CDK5RAP2: variants seen among roughly 807,000 people sequenced by gnomAD.
The protein encoded by CDK5RAP2 is CDK5 regulatory subunit-associated protein 2.
A neutral mutation model predicts 232.9 loss-of-function variants in CDK5RAP2; 147 were observed. The ratio of observed to expected loss-of-function variants is 0.63; its 90% CI spans 0.55 to 0.72. CDK5RAP2 has a LOEUF of 0.72. Ranked by LOEUF, CDK5RAP2 falls within the 30% of genes least tolerant of loss-of-function variation. The pLI is 0.00. For synonymous variants in CDK5RAP2, 833 were observed against 833.7 expected (o/e 1.00, Z 0.01); for missense variants, 2,195 against 2,231.5 (o/e 0.98, Z 0.33).
At chr9:120,460,748 C>CT (rs552805136) in intron 18 of CDK5RAP2, 81 bp from the exon 19 acceptor site, 52,166 of 1,077,332 alleles carry the variant, frequency 0.048, no homozygotes, top group East Asian at 0.055. Flanking sequence ...TCAGTGATGT[C>CT]TTTTTTTTTT....
At chr9:120,546,540 C>A (rs1311074339) in intron 4 of CDK5RAP2, among the ~76,000 whole-genome samples, 1 of 152,214 alleles carries the variant, frequency 6.6e-6, no homozygotes, top group Non-Finnish European at 1.5e-5. Flanking sequence ...TAGATGAACT[C>A]AAGTAGTAGA....
intron 3 of CDK5RAP2, among the ~76,000 whole-genome samples, chr9:120,556,280 G>T (rs988283968): frequency 6.6e-6 from 1 of 152,058 alleles, no homozygotes; most frequent in African/African-American, 2.4e-5. Flanking sequence ...CAATAAAGCT[G>T]ATTTTTAAAA....
intron 4 of CDK5RAP2, among the ~76,000 whole-genome samples, chr9:120,550,227 A>G (rs557973730): frequency 3.3e-5 from 5 of 152,354 alleles, no homozygotes; most frequent in African/African-American, 9.6e-5. Context: ...ACAGGCAAGC[A>G]CACAGGAATA....
At chr9:120,441,141 T>C (rs903827302) in intron 23 of CDK5RAP2, among the ~76,000 whole-genome samples, 30 of 152,234 alleles carry the variant, frequency 2.0e-4, no homozygotes, top group African/African-American at 5.3e-4. Flanking sequence ...ATGGTTGTAG[T>C]GCAGCTTCTG....
At chr9:120,511,767 T>C (rs1401260025) in intron 12 of CDK5RAP2, among the ~76,000 whole-genome samples, 2 of 142,564 alleles carry the variant, frequency 1.4e-5, no homozygotes, top group Admixed American at 1.5e-4. Flanking sequence ...TGAGACAGTC[T>C]CGCTCTGTCG....
intron 12 of CDK5RAP2, among the ~76,000 whole-genome samples, chr9:120,513,886 G>A (rs1023903135): frequency 6.6e-6 from 1 of 152,152 alleles, no homozygotes; most frequent in African/African-American, 2.4e-5. Context: ...GTTAAATAAG[G>A]AGCCTAGTTA....
intron 21 of CDK5RAP2, among the ~76,000 whole-genome samples, chr9:120,448,332 C>T (rs2036305907): frequency 6.6e-6 from 1 of 152,224 alleles, no homozygotes; most frequent in South Asian, 2.1e-4. Context: ...AGCCAAGCTT[C>T]TCCTCGCCAC....
chr9:120,544,966 C>T (rs557993604), intron 5 of CDK5RAP2, among the ~76,000 whole-genome samples: 1 of 152,106 alleles, frequency 6.6e-6, no homozygotes, highest in East Asian at 1.9e-4. Context: ...TAAATGTTTA[C>T]GAATGAGTGA....
chr9:120,464,274 A>G (rs1018856818), intron 18 of CDK5RAP2, among the ~76,000 whole-genome samples: 2 of 152,012 alleles, frequency 1.3e-5, no homozygotes, highest in Admixed American at 1.3e-4. Flanking sequence ...CTTAATCCCC[A>G]AAGTGAGGGC....
intron 12 of CDK5RAP2, among the ~76,000 whole-genome samples, chr9:120,509,190 G>C (rs901300677): frequency 3.3e-5 from 5 of 152,200 alleles, no homozygotes; most frequent in Non-Finnish European, 7.3e-5. Context: ...TTCTTCAGAG[G>C]AGAGGTTACT....
At chr9:120,522,361 G>C (rs768976396) in intron 11 of CDK5RAP2, among the ~76,000 whole-genome samples, 27 of 152,176 alleles carry the variant, frequency 1.8e-4, no homozygotes, top group Admixed American at 3.3e-4. Context: ...TAAAAGACTT[G>C]GTAGGTCTAC....
chr9:120,406,986 C>A, intron 32 of CDK5RAP2, 26 bp downstream of exon 32: 2 of 1,526,608 alleles, frequency 1.3e-6, no homozygotes, highest in Non-Finnish European at 1.8e-6. Flanking sequence ...GCATTCTCAG[C>A]AAGTGGGGAG....
chr9:120,477,996 T>C (rs1298288824), intron 14 of CDK5RAP2, among the ~76,000 whole-genome samples: 3 of 152,222 alleles, frequency 2.0e-5, no homozygotes, highest in Non-Finnish European at 4.4e-5. Context: ...GGTAAGTAGC[T>C]TAACAAAACT....
At chr9:120,524,878 C>T in intron 11 of CDK5RAP2, 108 bp downstream of exon 11, 1 of 781,516 alleles carries the variant, frequency 1.3e-6, no homozygotes, top group Non-Finnish European at 2.3e-6. Flanking sequence ...TGAAGACCAC[C>T]CACAGTTTTC....
At chr9:120,464,777 T>C (rs1158846262) in intron 18 of CDK5RAP2, among the ~76,000 whole-genome samples, 1 of 152,112 alleles carries the variant, frequency 6.6e-6, no homozygotes, top group Non-Finnish European at 1.5e-5. Flanking sequence ...AAAAAAAAAT[T>C]AAAATAGCTG....
rs538113042 is a variant in CDK5RAP2, at chr9:120,416,986, G to A, written c.4178-1827C>T. Among the ~76,000 whole-genome samples, 6 of 152,330 alleles carry A rather than the reference G, an allele frequency of 3.9e-5. No individual in the cohort carries two copies. In the South Asian group the frequency reaches 1.0e-3, roughly 26 times the overall value. ...TATCTCCTGCTAATGCCAGAAATGT[G>A]GCAAGTAATTTGGTGGAATGTCGTA... is the stretch of plus-strand genomic sequence containing the variant. On this transcript the variant is annotated intron_variant, in intron 27 of 37. Coordinates refer to ENST00000349780, the MANE Select transcript of CDK5RAP2 (RefSeq NM_018249.6).
chr9:120,392,222 A>T (rs1324917454), intron 36 of CDK5RAP2, among the ~76,000 whole-genome samples: 1 of 152,094 alleles, frequency 6.6e-6, no homozygotes, highest in African/African-American at 2.4e-5. Context: ...CAGATGAGAA[A>T]ACTGGGGTGC....
intron 12 of CDK5RAP2, among the ~76,000 whole-genome samples, chr9:120,514,236 G>A (rs2040221276): frequency 6.6e-6 from 1 of 152,216 alleles, no homozygotes; most frequent in Non-Finnish European, 1.5e-5. Context: ...ATGTTCACCT[G>A]AGGACAGCAC....
At chr9:120,547,504 TGAGGCAGAAGAATCGCTCGAACCCAG>T (rs1031405817) in intron 4 of CDK5RAP2, among the ~76,000 whole-genome samples, 2 of 151,826 alleles carry the variant, frequency 1.3e-5, no homozygotes, top group Admixed American at 6.6e-5. Context: ...TTTGGAAGGC[TGAGGCAGAAGAATCGCTCGAACCCAG>T]GAGGCAGAGG....
Sources: allele counts gnomAD v4.1 joint callset (sites outside exome capture counted in the v4.1 genomes callset), GRCh38; gene constraint gnomAD v4.1.1; transcripts MANE v1.5; gene names NCBI Gene and HGNC (gene_info 2026-07-23, HGNC 2026-07-21).